LUZP2: variants seen among roughly 807,000 people sequenced by gnomAD.
LUZP2 encodes leucine zipper protein 2.
LUZP2 carries 52 observed loss-of-function variants against 51.6 expected under a neutral mutation model. That is an observed-to-expected ratio of 1.01 (90% confidence interval 0.81 to 1.27). The LOEUF (loss-of-function observed/expected upper bound fraction) is 1.27, where lower values mean the gene tolerates loss of function less well. Ranked by LOEUF, LUZP2 falls within the 50% of genes most tolerant of loss-of-function variation. The probability of loss-of-function intolerance (pLI) is 0.00; values close to 1 mark genes in which losing one functional copy is unlikely to be tolerated. For synonymous variants in LUZP2, 154 were observed against 137.3 expected, an observed-to-expected ratio of 1.12 and a Z score of -0.85; for missense variants, 436 against 395.4, an observed-to-expected ratio of 1.10 and a Z score of -0.87.
rs1422337867 is a variant in LUZP2, at chr11:25,079,218, GTT to G, written c.*561_*562del. The G allele has an allele frequency of 6.6e-6, 1 of 152,138 alleles. No homozygotes were observed. The highest frequency in any genetic ancestry group is 2.4e-5 in the African/African-American group (1 of 41,432). The allele number at this position is 152,138 out of a possible 1,614,324, so 9.4% of individuals were successfully genotyped here. On this transcript the variant is annotated 3_prime_UTR_variant, in exon 12 of 12. Transcript: ENST00000336930. The stretch of plus-strand genomic sequence containing the variant: ...GTCTAAATAATGCTAAGACAATTCT[GTT>G]AAGAATTTTGTCAGCTAACATAATT...
intron 7 of LUZP2, among the ~76,000 whole-genome samples, chr11:24,935,688 G>C (rs1854567260): frequency 6.6e-6 from 1 of 152,004 alleles, no homozygotes; most frequent in Non-Finnish European, 1.5e-5. Context: ...AGAAAGATTA[G>C]TGAAAAAATA....
chr11:24,967,522 G>C (rs544931829), intron 7 of LUZP2, among the ~76,000 whole-genome samples: 1 of 151,414 alleles, frequency 6.6e-6, no homozygotes, highest in African/African-American at 2.4e-5. Flanking sequence ...ATATGTTGAA[G>C]TGGTTAATAT....
intron 5 of LUZP2, among the ~76,000 whole-genome samples, chr11:24,826,188 A>ATATATATATAT (rs1193136085): frequency 2.9e-4 from 8 of 28,042 alleles, no homozygotes; most frequent in East Asian, 1.9e-3. Flanking sequence ...AAAAAAAAAA[A>ATATATATATAT]AAATATATAT....
chr11:24,899,467 A>G (rs1227974373), intron 5 of LUZP2, among the ~76,000 whole-genome samples: 2 of 152,078 alleles, frequency 1.3e-5, no homozygotes, highest in African/African-American at 4.8e-5. Flanking sequence ...TATATTGATT[A>G]TATTAAATTA....
chr11:24,728,952 T>G (rs1203487872), intron 1 of LUZP2, among the ~76,000 whole-genome samples: 1 of 151,966 alleles, frequency 6.6e-6, no homozygotes, highest in Admixed American at 6.6e-5. Context: ...GTCATAGATA[T>G]CTGGAGTATA....
intron 5 of LUZP2, among the ~76,000 whole-genome samples, chr11:24,829,298 A>C (rs1177709788): frequency 6.6e-6 from 1 of 152,208 alleles, no homozygotes; most frequent in Non-Finnish European, 1.5e-5. Context: ...TCATTACAAA[A>C]TGAAGTCAGA....
intron 9 of LUZP2, among the ~76,000 whole-genome samples, chr11:25,002,264 T>G (rs1454755978): frequency 6.6e-6 from 1 of 152,218 alleles, no homozygotes; most frequent in Admixed American, 6.5e-5. Context: ...TCATATCCCA[T>G]TCTCCACAAA....
chr11:24,544,767 G>T lies in LUZP2; in HGVS notation c.62+47462G>T, dbSNP rs192367133. ...ACTATTTGCCTGCATGTGTCTTTAT[G>T]GTAGAACAATTCATATTCCTTTGGA... On this transcript the variant is annotated intron_variant, in intron 1 of 11. Transcript: ENST00000336930. Among the ~76,000 whole-genome samples the T allele has an allele frequency of 6.6e-4, 101 of 152,116 alleles. 5 individuals carry two copies. The East Asian group carries it at 0.016, about 24-fold the overall frequency.
intron 1 of LUZP2, among the ~76,000 whole-genome samples, chr11:24,645,536 T>C (rs928711400): frequency 6.6e-6 from 1 of 152,148 alleles, no homozygotes; most frequent in Non-Finnish European, 1.5e-5. Flanking sequence ...ACTTGACAGC[T>C]GTCACCCTCC....
chr11:25,064,516 A>C (rs1858941058), intron 10 of LUZP2, among the ~76,000 whole-genome samples: 1 of 152,080 alleles, frequency 6.6e-6, no homozygotes, highest in Non-Finnish European at 1.5e-5. Flanking sequence ...CATTATTGTC[A>C]AGCATTAGAA....
At chr11:24,592,282 A>G (rs1172531460) in intron 1 of LUZP2, among the ~76,000 whole-genome samples, 2 of 152,194 alleles carry the variant, frequency 1.3e-5, no homozygotes, top group Non-Finnish European at 2.9e-5. Context: ...TACTCTTTTC[A>G]TGAATCTTGG....
chr11:24,586,135 C>G (rs1853058050), intron 1 of LUZP2, among the ~76,000 whole-genome samples: 1 of 151,982 alleles, frequency 6.6e-6, no homozygotes, highest in Admixed American at 6.6e-5. Context: ...AGAAAGGAGG[C>G]AAAGTTTTAA....
chr11:24,881,293 A>G (rs1413491633), intron 5 of LUZP2, among the ~76,000 whole-genome samples: 2 of 150,472 alleles, frequency 1.3e-5, no homozygotes, highest in Non-Finnish European at 2.9e-5. Context: ...ATTTTAATAA[A>G]AAGGAGAGAC....
chr11:24,804,973 G>A (rs191994771), intron 5 of LUZP2, among the ~76,000 whole-genome samples: 1 of 151,676 alleles, frequency 6.6e-6, no homozygotes, highest in Non-Finnish European at 1.5e-5. Context: ...CTGAGTAGCT[G>A]GGACTAGAGG....
At chr11:25,056,521 G>A (rs1858687980) in intron 10 of LUZP2, among the ~76,000 whole-genome samples, 1 of 152,132 alleles carries the variant, frequency 6.6e-6, no homozygotes, top group Non-Finnish European at 1.5e-5. Context: ...AGAAGAGAAA[G>A]CATGGGAATT....
intron 1 of LUZP2, among the ~76,000 whole-genome samples, chr11:24,664,590 C>T (rs889410336): frequency 6.6e-6 from 1 of 152,128 alleles, no homozygotes; most frequent in Non-Finnish European, 1.5e-5. Flanking sequence ...GTTTCCTGGG[C>T]TGGTCCCAGG....
intron 5 of LUZP2, among the ~76,000 whole-genome samples, chr11:24,886,361 C>G (rs1590689885): frequency 6.6e-6 from 1 of 152,228 alleles, no homozygotes; most frequent in South Asian, 2.1e-4. Context: ...GTCTTTTTCT[C>G]TATTATTAAC....
chr11:24,996,029 T>C (rs1440060912), intron 9 of LUZP2, among the ~76,000 whole-genome samples: 2 of 151,078 alleles, frequency 1.3e-5, no homozygotes, highest in Non-Finnish European at 3.0e-5. Flanking sequence ...CTAATTATTT[T>C]TATATATTTT....
chr11:24,974,950 G>A (rs1295431160), intron 7 of LUZP2, among the ~76,000 whole-genome samples: 1 of 152,012 alleles, frequency 6.6e-6, no homozygotes, highest in Non-Finnish European at 1.5e-5. Flanking sequence ...GCATATGTGA[G>A]TTGCCTGGGG....
Sources: allele counts gnomAD v4.1 joint callset (sites outside exome capture counted in the v4.1 genomes callset), GRCh38; gene constraint gnomAD v4.1.1; transcripts MANE v1.5; gene names NCBI Gene and HGNC (gene_info 2026-07-23, HGNC 2026-07-21).